The following FAM171A1 variants were observed in gnomAD, a reference collection of about 807,000 sequenced individuals.
FAM171A1 encodes the protein protein FAM171A1.
In FAM171A1, 23 loss-of-function variants were observed where a neutral mutation model predicts 74.9. That is an observed-to-expected ratio of 0.31 (90% CI 0.22 to 0.44). The LOEUF (loss-of-function observed/expected upper bound fraction) is 0.44, where lower values mean the gene tolerates loss of function less well. FAM171A1 is among the 20% of genes least tolerant of loss of function. The pLI is 1.00. For missense variants in FAM171A1, 1,162 were observed against 1,159.2 expected (o/e 1.00, Z -0.03); for synonymous variants, 527 against 505.7 (o/e 1.04, Z -0.57).
At chr10:15,232,622 A>G (rs1223282599) in intron 5 of FAM171A1, among the ~76,000 whole-genome samples, 1 of 152,220 alleles carries the variant, frequency 6.6e-6, no homozygotes, top group Non-Finnish European at 1.5e-5. Flanking sequence ...AAACACAGCA[A>G]ACAAATATCC....
At chr10:15,227,726 C>G (rs45577537) in intron 5 of FAM171A1, among the ~76,000 whole-genome samples, 1 of 152,244 alleles carries the variant, frequency 6.6e-6, no homozygotes, top group Admixed American at 6.5e-5. Context: ...TGGAAAGACT[C>G]GGAGATATTT....
chr10:15,233,900 C>T (rs1834243645), intron 5 of FAM171A1, among the ~76,000 whole-genome samples: 1 of 105,514 alleles, frequency 9.5e-6, no homozygotes, highest in African/African-American at 4.4e-5. Context: ...GACTCCGTCT[C>T]ACCAAAAAAA....
At chr10:15,369,467 G>A (rs1373024961) in intron 1 of FAM171A1, among the ~76,000 whole-genome samples, 1 of 152,134 alleles carries the variant, frequency 6.6e-6, no homozygotes, top group Non-Finnish European at 1.5e-5. Context: ...TTTCCTACAC[G>A]AAGAGACATA....
intron 1 of FAM171A1, among the ~76,000 whole-genome samples, chr10:15,319,922 A>G (rs1388052107): frequency 6.6e-6 from 1 of 152,268 alleles, no homozygotes; most frequent in Non-Finnish European, 1.5e-5. Context: ...TATCTATAAT[A>G]TAAAATATTC....
At chr10:15,258,371 C>G (rs1006156322) in intron 3 of FAM171A1, among the ~76,000 whole-genome samples, 3 of 152,142 alleles carry the variant, frequency 2.0e-5, no homozygotes, top group Admixed American at 1.3e-4. Context: ...CTGCCCCTAA[C>G]CACCTCCAAG....
intron 1 of FAM171A1, among the ~76,000 whole-genome samples, chr10:15,330,599 G>A (rs140956681): frequency 2.6e-5 from 4 of 151,790 alleles, no homozygotes; most frequent in East Asian, 3.9e-4. Flanking sequence ...TGACACAAAC[G>A]TAAATGTTAC....
rs146450035 is a variant in FAM171A1 at position 15,213,498 on chromosome 10, C to T, written c.2090G>A (p.Gly697Glu). The T allele has an allele frequency of 1.2e-6, 2 of 1,614,008 alleles. No individual in the cohort carries two copies. Among genetic ancestry groups the T allele is most frequent in the Admixed American group, 1.7e-5 (1 of 59,994 alleles). Residue 697 changes from glycine to glutamate, a missense_variant, in exon 8 of 8, where the codon GGG becomes GAG. By Grantham distance (98) the Gly-to-Glu change is moderately conservative (BLOSUM62 -2). Coordinates refer to ENST00000378116, the MANE Select transcript of FAM171A1 (RefSeq NM_001010924.2). The surrounding 1 kb of genome is among the most constrained non-coding windows in gnomAD (Gnocchi z 6.8). ...GGGGTGCGGAAGCGGCTTCCCACCC[C>T]CAAGCTCCATCAGGGCCTTTTCAGT... ...LLTEKALMEL[G>E]GGKPLPHPRA...
intron 5 of FAM171A1, among the ~76,000 whole-genome samples, chr10:15,233,941 C>T (rs1399371532): frequency 1.4e-5 from 2 of 147,240 alleles, no homozygotes; most frequent in Non-Finnish European, 3.0e-5. Flanking sequence ...AAATGTGATA[C>T]ATGGCTGGAG....
intron 3 of FAM171A1, among the ~76,000 whole-genome samples, chr10:15,270,123 C>T (rs1834803937): frequency 1.3e-5 from 2 of 152,202 alleles, no homozygotes; most frequent in African/African-American, 4.8e-5. Context: ...AATTCCCTTT[C>T]CTAGCCAAGG....
At chr10:15,292,178 T>G (rs1247607711) in intron 1 of FAM171A1, among the ~76,000 whole-genome samples, 4 of 151,662 alleles carry the variant, frequency 2.6e-5, no homozygotes, top group African/African-American at 9.7e-5. Context: ...GCACAATGGC[T>G]CCCCCCTCAT....
chr10:15,214,737 C>A, intron 7 of FAM171A1, 136 bp from the exon 8 acceptor site: 1 of 1,175,220 alleles, frequency 8.5e-7, no homozygotes, highest in Non-Finnish European at 1.1e-6. Context: ...CAGCCAAAAG[C>A]CTTCTCACCC....
chr10:15,296,480 T>A (rs1294597264), intron 1 of FAM171A1, among the ~76,000 whole-genome samples: 1 of 152,224 alleles, frequency 6.6e-6, no homozygotes, highest in Non-Finnish European at 1.5e-5. Flanking sequence ...CATTTGGCAA[T>A]CCTTGTGTGT....
At chr10:15,328,024 A>G (rs1406785940) in intron 1 of FAM171A1, among the ~76,000 whole-genome samples, 1 of 151,830 alleles carries the variant, frequency 6.6e-6, no homozygotes, top group Non-Finnish European at 1.5e-5. Flanking sequence ...AACACTGTAG[A>G]CAGAAATAAT....
chr10:15,329,373 G>T lies in FAM171A1; in HGVS notation c.97+41583C>A, dbSNP rs549939986. Among the ~76,000 whole-genome samples, 299 of 152,274 alleles carry T rather than the reference G, an allele frequency of 2.0e-3. 1 individual carries two copies. The highest frequency in any genetic ancestry group is 3.4e-3 in the Non-Finnish European group (234 of 68,024). On this transcript the variant is annotated intron_variant, in intron 1 of 7. Transcript: ENST00000378116. Reference sequence around the variant, plus strand: ...TTCAGAATGAGCTGGGCCACGCCAGGCTTGGTGGCGCACAATTGTAATCCC... The same window carrying T: ...TTCAGAATGAGCTGGGCCACGCCAGTCTTGGTGGCGCACAATTGTAATCCC...
At position 15,254,751 on chromosome 10, in the gene FAM171A1, A is replaced by G; in HGVS notation, c.547T>C (p.Tyr183His). The G allele has an allele frequency of 6.2e-7, 1 of 1,614,216 alleles. No homozygotes were observed. Among genetic ancestry groups the G allele is most frequent in the Non-Finnish European group, 8.5e-7 (1 of 1,180,030 alleles). Residue 183 changes from tyrosine (Y) to histidine (H), a missense_variant, in exon 4 of 8, where the codon TAT (tyrosine) becomes CAT (histidine). Transcript: ENST00000378116. Reference sequence around the variant, plus strand: ...CCATTTCCGTCTAATCCTCGCAAATAAGGAAAACTGTCCACCTCCGAAGGG... The same window carrying G: ...CCATTTCCGTCTAATCCTCGCAAATGAGGAAAACTGTCCACCTCCGAAGGG... ...SSPSEVDSFP[Y>H]LRGLDGNGTG...
At chr10:15,254,587 T>C (rs1044465912) in intron 4 of FAM171A1, 134 bp downstream of exon 4, 3 of 950,878 alleles carry the variant, frequency 3.2e-6, no homozygotes, top group African/African-American at 1.7e-5. Context: ...CTTGAACTTG[T>C]ACCAAGAATT....
At chr10:15,294,093 C>T (rs576644814) in intron 1 of FAM171A1, among the ~76,000 whole-genome samples, 34 of 152,266 alleles carry the variant, frequency 2.2e-4, no homozygotes, top group Non-Finnish European at 4.4e-4. Context: ...GGGGTGCTCC[C>T]GGAAGAGTCA....
At chr10:15,289,845 G>A (rs1835082035) in intron 1 of FAM171A1, among the ~76,000 whole-genome samples, 1 of 152,222 alleles carries the variant, frequency 6.6e-6, no homozygotes, top group South Asian at 2.1e-4. Flanking sequence ...CCCATCATTT[G>A]CATGGGCTGG....
intron 1 of FAM171A1, among the ~76,000 whole-genome samples, chr10:15,297,546 C>T (rs1252532866): frequency 6.6e-6 from 1 of 152,160 alleles, no homozygotes; most frequent in Non-Finnish European, 1.5e-5. Context: ...TGATGATCCT[C>T]CCATTAACAA....
Sources: gnomAD v4.1 joint callset for allele counts (sites outside exome capture counted in the v4.1 genomes callset) on GRCh38, gnomAD v4.1.1 for gene constraint, Gnocchi (gnomAD v3.1) non-coding constraint, MANE v1.5 for transcripts, NCBI Gene and HGNC (gene_info 2026-07-23, HGNC 2026-07-21) for gene names.